The following PRDM11 variants were observed in gnomAD, a reference collection of about 807,000 sequenced individuals.
PRDM11 encodes PR domain-containing protein 11.
In PRDM11, 20 loss-of-function variants were observed where a neutral mutation model predicts 97.8. The observed-to-expected ratio is 0.20, with a 90% CI of 0.14 to 0.30. PRDM11 has a LOEUF of 0.30. Ranked by LOEUF, PRDM11 falls within the 10% of genes least tolerant of loss-of-function variation. PRDM11 has a pLI of 1.00. For missense variants in PRDM11, 1,139 were observed against 1,555.2 expected (o/e 0.73, Z 4.50); for synonymous variants, 599 against 637.7 (o/e 0.94, Z 0.91).
intron 1 of PRDM11, among the ~76,000 whole-genome samples, chr11:45,114,603 T>C (rs147565472): frequency 1.3e-5 from 2 of 151,512 alleles, no homozygotes; most frequent in East Asian, 3.9e-4. Context: ...AAGATAAAAA[T>C]AAAAGGAAGC....
intron 2 of PRDM11, 96 bp downstream of exon 2, chr11:45,181,981 T>A: frequency 8.7e-7 from 1 of 1,148,420 alleles, no homozygotes; most frequent in Non-Finnish European, 1.2e-6. Context: ...TCTCACTCCT[T>A]GCCCACCTTC....
rs949403549 is a variant in PRDM11, at chr11:45,228,285, A to C, written c.*126A>C. The stretch of plus-strand genomic sequence containing the variant: ...TTATATTATATATATATATATATAT[A>C]AACTCACACTGAAAATTTTTAAAAA... On this transcript the variant is annotated 3_prime_UTR_variant, in exon 8 of 8. Coordinates refer to ENST00000683152, the MANE Select transcript of PRDM11 (RefSeq NM_001384648.1). 20 of 331,792 alleles carry C rather than the reference A, an allele frequency of 6.0e-5. No homozygotes were observed. The highest frequency in any genetic ancestry group is 4.2e-4 in the African/African-American group (19 of 44,722). The allele number at this position is 331,792 out of a possible 1,614,324, so 20.6% of individuals were successfully genotyped here.
chr11:45,196,478 T>G (rs1853125658), intron 4 of PRDM11, among the ~76,000 whole-genome samples: 1 of 152,174 alleles, frequency 6.6e-6, no homozygotes, highest in Admixed American at 6.5e-5. Flanking sequence ...AGTTTACATT[T>G]TTGCTGCCCC....
intron 4 of PRDM11, among the ~76,000 whole-genome samples, chr11:45,187,833 T>A (rs1052128880): frequency 6.8e-6 from 1 of 146,714 alleles, no homozygotes; most frequent in East Asian, 2.0e-4. Context: ...TGTGTGTGTG[T>A]ATGTGTGTGT....
intron 3 of PRDM11, 24 bp downstream of exon 3, chr11:45,182,373 G>A (rs76743448): frequency 1.9e-6 from 3 of 1,598,272 alleles, no homozygotes; most frequent in African/African-American, 1.3e-5. Context: ...GGGGCTCTGG[G>A]CTGCTCCTCC....
At chr11:45,134,946 T>C (rs1364951451) in intron 1 of PRDM11, among the ~76,000 whole-genome samples, 2 of 151,764 alleles carry the variant, frequency 1.3e-5, no homozygotes, top group African/African-American at 4.8e-5. Context: ...TATGGAAAAA[T>C]AGGTGCTGAT....
At chr11:45,179,209 G>A (rs138601508) in intron 1 of PRDM11, among the ~76,000 whole-genome samples, 17 of 152,232 alleles carry the variant, frequency 1.1e-4, no homozygotes, top group African/African-American at 4.1e-4. Flanking sequence ...AAGCGTCAGA[G>A]TTTCCAAATG....
intron 1 of PRDM11, among the ~76,000 whole-genome samples, chr11:45,099,806 T>C (rs1198515034): frequency 6.6e-6 from 1 of 152,234 alleles, no homozygotes; most frequent in African/African-American, 2.4e-5. Context: ...TAGTAGGTCT[T>C]ATGCATTCTT....
chr11:45,206,606 G>A (rs1240860779), intron 5 of PRDM11, among the ~76,000 whole-genome samples: 1 of 152,196 alleles, frequency 6.6e-6, no homozygotes, highest in Non-Finnish European at 1.5e-5. Flanking sequence ...TCCCCCTGGG[G>A]ACAAGGCCTT....
chr11:45,182,735 C>T lies in PRDM11; in HGVS notation c.224-126C>T, dbSNP rs139914036. 90 of 1,211,262 alleles carry T rather than the reference C, an allele frequency of 7.4e-5. No individual in the cohort carries two copies. The East Asian group carries it at 1.3e-3, about 18-fold the overall frequency. The allele number at this position is 1,211,262 out of a possible 1,614,324, so 75.0% of individuals were successfully genotyped here. A position where few individuals can be genotyped will look rare whatever the true frequency, so the allele number is the denominator to read the frequency against. The stretch of plus-strand genomic sequence containing the variant: ...CAGGGAGAGTATGGGTTATTGCTAC[C>T]GATGACCCTGGGGCCTGCAGCTGGC... On this transcript the variant is annotated intron_variant, in intron 3 of 7. Coordinates refer to ENST00000683152, the MANE Select transcript of PRDM11 (RefSeq NM_001384648.1).
intron 1 of PRDM11, among the ~76,000 whole-genome samples, chr11:45,126,119 T>C (rs544220226): frequency 2.6e-4 from 39 of 152,304 alleles, no homozygotes; most frequent in African/African-American, 8.2e-4. Flanking sequence ...TGGATCTTTG[T>C]TGGTTTAAAG....
chr11:45,226,826 C>T lies in PRDM11; in HGVS notation c.2201C>T (p.Ala734Val). 6.5e-7 allele frequency: 1 copy of T among 1,532,924 alleles called. No homozygotes were observed. The highest frequency in any genetic ancestry group is 2.0e-5 in the Admixed American group (1 of 50,912). 95.0% of individuals were successfully genotyped at this position (1,532,924 alleles called of 1,614,324 possible). A position where few individuals can be genotyped will look rare whatever the true frequency, so the allele number is the denominator to read the frequency against. Reference protein sequence around the residue: ...KPTVGLGVDGANITASLRASM... With the variant: ...KPTVGLGVDGVNITASLRASM... Reference sequence around the variant, plus strand: ...ACTGTTGGCTTGGGTGTAGATGGAGCCAACATCACAGCCAGCCTCCGTGCC... The same window carrying T: ...ACTGTTGGCTTGGGTGTAGATGGAGTCAACATCACAGCCAGCCTCCGTGCC... Residue 734 changes from alanine to valine, a missense_variant, in exon 8 of 8, where the codon GCC (alanine) becomes GTC (valine). Coordinates refer to ENST00000683152, the MANE Select transcript of PRDM11 (RefSeq NM_001384648.1).
At chr11:45,124,739 G>A (rs1276770042) in intron 1 of PRDM11, among the ~76,000 whole-genome samples, 2 of 152,098 alleles carry the variant, frequency 1.3e-5, no homozygotes, top group African/African-American at 4.8e-5. Flanking sequence ...GATTCAGTTT[G>A]CCAGTATTTT....
chr11:45,119,619 C>CAAAAAAAAAAAAAAAAAAAA (rs56367204), intron 1 of PRDM11, among the ~76,000 whole-genome samples: 2 of 43,060 alleles, frequency 4.6e-5, no homozygotes, highest in African/African-American at 2.7e-4. Flanking sequence ...GATTCTGTCT[C>CAAAAAAAAAAAAAAAAAAAA]AAAAAAAAAA....
At position 45,183,021 on chromosome 11, in the gene PRDM11, C is replaced by T. The variant is rs200167848; in HGVS notation, c.384C>T (p.Asp128=). Reference sequence around the variant, plus strand: ...TCAAGGACACTAGTGGAGAGAGTGACGTGCGATGTGTAAACGAGGTCATCC... The same window carrying T: ...TCAAGGACACTAGTGGAGAGAGTGATGTGCGATGTGTAAACGAGGTCATCC... The part of the protein sequence containing the change: ...EVVKDTSGES[D]VRCVNEVIPK... Residue 128 remains aspartate (D), a synonymous_variant, in exon 4 of 8, where the codon GAC becomes GAT. Transcript: ENST00000683152. The T allele has an allele frequency of 4.4e-5, 71 of 1,614,126 alleles. No homozygotes were observed. Among genetic ancestry groups the T allele is most frequent in the East Asian group, 6.7e-5 (3 of 44,878 alleles).
chr11:45,160,599 A>T (rs978057263), intron 1 of PRDM11, among the ~76,000 whole-genome samples: 4 of 152,240 alleles, frequency 2.6e-5, no homozygotes, highest in African/African-American at 9.7e-5. Flanking sequence ...TATCTGGGAA[A>T]TCTAGCCACA....
chr11:45,101,567 A>AAAG (rs1554963213), intron 1 of PRDM11, among the ~76,000 whole-genome samples: 6,436 of 96,740 alleles, frequency 0.067, 514 homozygotes, highest in East Asian at 0.1. Flanking sequence ...AAAAAAAAAA[A>AAAG]AAGAAGAAGA....
Position 45,227,562 on chromosome 11 carries a change from C to A in PRDM11, c.2937C>A (p.Ser979Arg). 6.5e-7 allele frequency: 1 copy of A among 1,533,946 alleles called. No individual in the cohort carries two copies. The highest frequency in any genetic ancestry group is 8.7e-7 in the Non-Finnish European group (1 of 1,146,744). Residue 979 changes from serine to arginine, a missense_variant, in exon 8 of 8, where the codon AGC becomes AGA. Physicochemically the swap from Ser to Arg is moderately radical, Grantham distance 110. Transcript: ENST00000683152. This position sits in a 1 kb window ranked among gnomAD's most constrained non-coding sequence, Gnocchi z 8.0. ...VILAQRFDSR[S>R]RIFVKACQVF... The stretch of plus-strand genomic sequence containing the variant: ...TGGCTCAGAGGTTCGACTCCCGCAG[C>A]CGGATCTTTGTGAAGGCCTGCCAGG...
At chr11:45,118,862 G>T (rs994476209) in intron 1 of PRDM11, among the ~76,000 whole-genome samples, 1 of 152,154 alleles carries the variant, frequency 6.6e-6, no homozygotes, top group African/African-American at 2.4e-5. Flanking sequence ...GGGCAATTAG[G>T]AAAGAAGAAA....
Sources: gnomAD v4.1 joint callset for allele counts (sites outside exome capture counted in the v4.1 genomes callset) on GRCh38, gnomAD v4.1.1 for gene constraint, Gnocchi (gnomAD v3.1) non-coding constraint, MANE v1.5 for transcripts, NCBI Gene and HGNC (gene_info 2026-07-23, HGNC 2026-07-21) for gene names.